NEGR1: variants seen among roughly 807,000 people sequenced by gnomAD.
The protein encoded by NEGR1 is IgLON family member 4.
NEGR1 carries 10 observed loss-of-function variants against 40.9 expected under a neutral mutation model. The observed-to-expected ratio is 0.24, with a 90% CI of 0.15 to 0.42. The LOEUF (loss-of-function observed/expected upper bound fraction) is 0.42. Ranked by LOEUF, NEGR1 falls within the 10% of genes least tolerant of loss-of-function variation. The pLI, the probability that NEGR1 is intolerant of heterozygous loss-of-function variation, is 1.00. For synonymous variants in NEGR1, 185 were observed against 166.8 expected, an observed-to-expected ratio of 1.11 and a Z score of -0.84; for missense variants, 352 against 438.9, an observed-to-expected ratio of 0.80 and a Z score of 1.77.
At chr1:71,460,493 C>A (rs2101342871) in intron 6 of NEGR1, among the ~76,000 whole-genome samples, 1 of 152,320 alleles carries the variant, frequency 6.6e-6, no homozygotes, top group South Asian at 2.1e-4. Flanking sequence ...TTTTCTTAAT[C>A]TCTGTAAGCC....
intron 3 of NEGR1, among the ~76,000 whole-genome samples, chr1:71,734,741 T>A (rs1310518079): frequency 6.6e-6 from 1 of 152,050 alleles, no homozygotes; most frequent in Non-Finnish European, 1.5e-5. Context: ...ACCACTAGTG[T>A]ACCACTGAAA....
chr1:71,590,079 C>A (rs1427396241), intron 6 of NEGR1, among the ~76,000 whole-genome samples: 2 of 152,118 alleles, frequency 1.3e-5, no homozygotes, highest in Admixed American at 1.3e-4. Flanking sequence ...TTTCTTCCAT[C>A]ACCATTCCCA....
intron 6 of NEGR1, among the ~76,000 whole-genome samples, chr1:71,418,798 G>A (rs1359726533): frequency 2.0e-5 from 3 of 151,934 alleles, no homozygotes; most frequent in Non-Finnish European, 4.4e-5. Context: ...CTAAAGAGCC[G>A]GCATCATATT....
At chr1:71,808,753 A>G (rs962167920) in intron 2 of NEGR1, among the ~76,000 whole-genome samples, 1 of 152,190 alleles carries the variant, frequency 6.6e-6, no homozygotes, top group Admixed American at 6.5e-5. Context: ...AAAGAACAAT[A>G]GAAAATGAGA....
chr1:71,720,223 T>C (rs1474618906), intron 3 of NEGR1, among the ~76,000 whole-genome samples: 3 of 152,198 alleles, frequency 2.0e-5, no homozygotes, highest in South Asian at 2.1e-4. Flanking sequence ...TAGAGGAATA[T>C]ATTGCTTGCT....
intron 4 of NEGR1, among the ~76,000 whole-genome samples, chr1:71,669,713 C>T (rs573609350): frequency 1.2e-3 from 183 of 151,942 alleles, no homozygotes; most frequent in Non-Finnish European, 1.8e-3. Flanking sequence ...TGCAGTGGCG[C>T]GATCTCGGCT....
chr1:72,084,148 A>G (rs890501487), intron 1 of NEGR1, among the ~76,000 whole-genome samples: 2 of 152,228 alleles, frequency 1.3e-5, no homozygotes, highest in Non-Finnish European at 2.9e-5. Context: ...TATAGAGCAC[A>G]TAGCCTTTAC....
intron 1 of NEGR1, among the ~76,000 whole-genome samples, chr1:72,017,999 T>C (rs1187767788): frequency 6.6e-6 from 1 of 152,184 alleles, no homozygotes; most frequent in Non-Finnish European, 1.5e-5. Flanking sequence ...CAGATATTTA[T>C]ATATTTATTT....
chr1:72,220,963 A>C (rs986749992), intron 1 of NEGR1, among the ~76,000 whole-genome samples: 2 of 147,352 alleles, frequency 1.4e-5, no homozygotes, highest in African/African-American at 5.0e-5. Flanking sequence ...TGTTTGCTAG[A>C]GCTGACATAT....
At chr1:71,450,236 G>A (rs1420587195) in intron 6 of NEGR1, among the ~76,000 whole-genome samples, 2 of 151,616 alleles carry the variant, frequency 1.3e-5, no homozygotes, top group South Asian at 2.1e-4. Context: ...TGATCCACCC[G>A]CCACAGCCTC....
At chr1:71,754,901 C>G (rs1246594178) in intron 3 of NEGR1, among the ~76,000 whole-genome samples, 2 of 152,144 alleles carry the variant, frequency 1.3e-5, no homozygotes, top group African/African-American at 4.8e-5. Context: ...TCTTGTCTTT[C>G]AAATCTTCAG....
Position 71,544,592 on chromosome 1 carries a change from G to A in NEGR1, c.940+48225C>T, listed in dbSNP as rs573463233. Among the ~76,000 whole-genome samples, 71 of 151,674 alleles carry A rather than the reference G, an allele frequency of 4.7e-4. 1 individual carries two copies. In the South Asian group the frequency reaches 0.014, roughly 30 times the overall value. On this transcript the variant is annotated intron_variant, in intron 6 of 6. Coordinates refer to ENST00000357731, the MANE Select transcript of NEGR1 (RefSeq NM_173808.3). ...ATTTTTGTAAAGATCTTAGTGCCTG[G>A]CACATAAAAAACATTATAAAGTTAG... is the stretch of plus-strand genomic sequence containing the variant.
At chr1:72,042,006 T>C (rs1011705682) in intron 1 of NEGR1, among the ~76,000 whole-genome samples, 1 of 146,338 alleles carries the variant, frequency 6.8e-6, no homozygotes, top group South Asian at 2.1e-4. Flanking sequence ...AAATATATAA[T>C]ATACATTTGA....
intron 6 of NEGR1, among the ~76,000 whole-genome samples, chr1:71,462,113 G>T (rs1383037552): frequency 3.9e-5 from 6 of 152,118 alleles, no homozygotes; most frequent in Admixed American, 3.9e-4. Flanking sequence ...TGTTAGAGTA[G>T]TAGATAATTG....
intron 2 of NEGR1, among the ~76,000 whole-genome samples, chr1:71,933,711 T>C (rs1645876584): frequency 6.6e-6 from 1 of 152,038 alleles, no homozygotes. Flanking sequence ...TATTCTGATA[T>C]ACCACTTTTA....
intron 6 of NEGR1, chr1:71,573,322 G>A (rs1648864318): frequency 1.3e-5 from 2 of 152,186 alleles, no homozygotes; most frequent in Admixed American, 6.5e-5. Flanking sequence ...CATATTTAAT[G>A]CTATTGGCAA....
chr1:71,622,236 T>C (rs901331232), intron 4 of NEGR1, among the ~76,000 whole-genome samples: 1 of 151,914 alleles, frequency 6.6e-6, no homozygotes, highest in Non-Finnish European at 1.5e-5. Flanking sequence ...TCTTCTCTGT[T>C]GTCAGTCATG....
intron 6 of NEGR1, among the ~76,000 whole-genome samples, chr1:71,558,467 CTTT>C (rs1466695889): frequency 6.6e-6 from 1 of 151,466 alleles, no homozygotes; most frequent in Non-Finnish European, 1.5e-5. Flanking sequence ...TCCCTCATTC[CTTT>C]ATTTTTAATT....
At chr1:72,193,119 T>C (rs2100432476) in intron 1 of NEGR1, among the ~76,000 whole-genome samples, 1 of 151,854 alleles carries the variant, frequency 6.6e-6, no homozygotes, top group East Asian at 1.9e-4. Context: ...ACTACCTCCA[T>C]AAGACAATAG....
Sources: gnomAD v4.1 joint callset for allele counts (sites outside exome capture counted in the v4.1 genomes callset) on GRCh38, gnomAD v4.1.1 for gene constraint, MANE v1.5 for transcripts, NCBI Gene and HGNC (gene_info 2026-07-23, HGNC 2026-07-21) for gene names.